Variants in FSTL5 observed in about 807,000 individuals in gnomAD.
FSTL5 encodes follistatin-related protein 5.
Under a neutral mutation model 89.1 loss-of-function variants are expected in FSTL5, and 62 were observed. That is an observed-to-expected ratio of 0.70 (90% CI 0.57 to 0.86). The LOEUF (loss-of-function observed/expected upper bound fraction) is 0.86, where lower values mean the gene tolerates loss of function less well. Among genes scored for constraint, FSTL5 ranks in the 40% least tolerant of loss-of-function variants. The probability of loss-of-function intolerance (pLI) is 0.00; values close to 1 mark genes in which losing one functional copy is unlikely to be tolerated. For missense variants in FSTL5, 1,057 were observed against 1,001.6 expected, an observed-to-expected ratio of 1.06 and a Z score of -0.75; for synonymous variants, 383 against 346.2, an observed-to-expected ratio of 1.11 and a Z score of -1.18.
intron 6 of FSTL5, among the ~76,000 whole-genome samples, chr4:161,726,191 T>A (rs182165725): frequency 6.6e-6 from 1 of 151,628 alleles, no homozygotes; most frequent in Admixed American, 6.6e-5. Flanking sequence ...TGGAAAAAAA[T>A]TAGGATGCAA....
chr4:161,601,278 C>G (rs1266629134), intron 7 of FSTL5, among the ~76,000 whole-genome samples: 1 of 119,756 alleles, frequency 8.4e-6, no homozygotes, highest in Non-Finnish European at 1.7e-5. Flanking sequence ...AACAAAAAAA[C>G]AATTCTTACC....
At chr4:161,748,667 G>T (rs899099744) in intron 6 of FSTL5, among the ~76,000 whole-genome samples, 1 of 137,178 alleles carries the variant, frequency 7.3e-6, no homozygotes, top group Non-Finnish European at 1.5e-5. Context: ...AGACTTACAC[G>T]ATTGGCGAAT....
At chr4:162,083,068 G>A (rs886084435) in intron 2 of FSTL5, among the ~76,000 whole-genome samples, 8 of 151,610 alleles carry the variant, frequency 5.3e-5, no homozygotes, top group Non-Finnish European at 8.9e-5. Context: ...TTACTCAATG[G>A]CAAGTGCTTT....
intron 1 of FSTL5, among the ~76,000 whole-genome samples, chr4:162,145,608 G>C (rs1732943224): frequency 6.6e-6 from 1 of 151,864 alleles, no homozygotes; most frequent in Non-Finnish European, 1.5e-5. Context: ...CCATAATAAG[G>C]GAAAAAAACG....
intron 10 of FSTL5, among the ~76,000 whole-genome samples, chr4:161,521,246 T>C (rs1262097201): frequency 2.6e-5 from 4 of 152,206 alleles, no homozygotes; most frequent in Admixed American, 2.6e-4. Context: ...TCATGGTGAT[T>C]TGAATATTAC....
chr4:162,058,359 A>T (rs922653335), intron 2 of FSTL5, among the ~76,000 whole-genome samples: 11 of 150,490 alleles, frequency 7.3e-5, no homozygotes, highest in African/African-American at 2.7e-4. Flanking sequence ...TTAGCCTGTG[A>T]TGTTAGTTTT....
intron 6 of FSTL5, among the ~76,000 whole-genome samples, chr4:161,658,458 C>CAA (rs35942081): frequency 7.8e-5 from 10 of 127,466 alleles, no homozygotes; most frequent in African/African-American, 2.3e-4. Context: ...GAATCCGTCT[C>CAA]AAAAAAAAAA....
At chr4:161,547,133 CA>C (rs1732034536) in intron 8 of FSTL5, among the ~76,000 whole-genome samples, 2 of 151,970 alleles carry the variant, frequency 1.3e-5, no homozygotes, top group Non-Finnish European at 2.9e-5. Flanking sequence ...CAACAGCCAG[CA>C]AAAAACTAAG....
chr4:161,424,544 T>A (rs1325216736), intron 15 of FSTL5, among the ~76,000 whole-genome samples: 1 of 148,912 alleles, frequency 6.7e-6, no homozygotes, highest in Non-Finnish European at 1.5e-5. Context: ...AAAAAAAAAA[T>A]GGTTTTCTTT....
chr4:161,772,639 G>A (rs1197493334), intron 5 of FSTL5, among the ~76,000 whole-genome samples: 8 of 152,072 alleles, frequency 5.3e-5, no homozygotes, highest in Admixed American at 4.6e-4. Flanking sequence ...ACCTAACCAA[G>A]GAGGTGAAAG....
chr4:161,778,961 A>G (rs1049522157), intron 4 of FSTL5, among the ~76,000 whole-genome samples: 2 of 152,242 alleles, frequency 1.3e-5, no homozygotes, highest in African/African-American at 4.8e-5. Flanking sequence ...CTGGGTCTGT[A>G]TTGCCTTCAT....
intron 4 of FSTL5, among the ~76,000 whole-genome samples, chr4:161,804,296 T>C (rs1019304335): frequency 5.7e-4 from 86 of 152,124 alleles, no homozygotes; most frequent in African/African-American, 2.0e-3. Context: ...TGCCATGTAA[T>C]ATAATGTATT....
intron 6 of FSTL5, among the ~76,000 whole-genome samples, chr4:161,757,587 A>G (rs1229363748): frequency 6.6e-6 from 1 of 152,128 alleles, no homozygotes; most frequent in African/African-American, 2.4e-5. Context: ...CACCTCCTTC[A>G]TATAAAGTAG....
chr4:161,966,095 G>A (rs1735319564), intron 3 of FSTL5, among the ~76,000 whole-genome samples: 1 of 152,072 alleles, frequency 6.6e-6, no homozygotes, highest in South Asian at 2.1e-4. Flanking sequence ...CAACTTGGCT[G>A]CAATGAAGTC....
chr4:161,996,699 G>A (rs1001379788), intron 3 of FSTL5, among the ~76,000 whole-genome samples: 2 of 152,126 alleles, frequency 1.3e-5, no homozygotes, highest in Non-Finnish European at 2.9e-5. Context: ...TTCCCATTTT[G>A]GAACCGTTGG....
intron 4 of FSTL5, among the ~76,000 whole-genome samples, chr4:161,783,016 CACT>C (rs1044063637): frequency 2.0e-5 from 3 of 152,108 alleles, no homozygotes; most frequent in African/African-American, 7.2e-5. Context: ...CTCCTCCCAC[CACT>C]GTCACAAACA....
At chr4:161,959,655 T>C (rs1163682760) in intron 3 of FSTL5, among the ~76,000 whole-genome samples, 1 of 152,138 alleles carries the variant, frequency 6.6e-6, no homozygotes, top group Non-Finnish European at 1.5e-5. Context: ...TGAGAAGTAT[T>C]ATATATTTAG....
intron 13 of FSTL5, among the ~76,000 whole-genome samples, chr4:161,476,475 T>TAATCCCAGCTC (rs1217900286): frequency 6.6e-6 from 1 of 152,022 alleles, no homozygotes; most frequent in Non-Finnish European, 1.5e-5. Context: ...GCGTGAGCCA[T>TAATCCCAGCTC]ATATACATGC....
intron 3 of FSTL5, among the ~76,000 whole-genome samples, chr4:162,013,889 G>T (rs747765826): frequency 2.0e-5 from 3 of 151,894 alleles, no homozygotes; most frequent in Non-Finnish European, 4.4e-5. Flanking sequence ...CAAGCCTTAA[G>T]CAAAAGTGCA....
Sources: allele counts gnomAD v4.1 joint callset (sites outside exome capture counted in the v4.1 genomes callset), GRCh38; gene constraint gnomAD v4.1.1; transcripts MANE v1.5; gene names NCBI Gene and HGNC (gene_info 2026-07-23, HGNC 2026-07-21).